RASGRP3: variants seen among roughly 807,000 people sequenced by gnomAD.
RASGRP3 encodes ras guanyl-releasing protein 3.
In RASGRP3, 54 loss-of-function variants were observed where a neutral mutation model predicts 82.7. That is an observed-to-expected ratio of 0.65 (90% CI 0.52 to 0.82). The LOEUF is 0.82. Among genes scored for constraint, RASGRP3 ranks in the 40% least tolerant of loss-of-function variants. The pLI is 0.00. For synonymous variants in RASGRP3, 309 were observed against 300.5 expected (o/e 1.03, Z -0.29); for missense variants, 861 against 828.9 (o/e 1.04, Z -0.48).
At chr2:33,543,805 G>C (rs576095350) in intron 13 of RASGRP3, among the ~76,000 whole-genome samples, 178 bp downstream of exon 13, 1 of 152,252 alleles carries the variant, frequency 6.6e-6, no homozygotes, top group East Asian at 1.9e-4. Flanking sequence ...GACCTGAATG[G>C]AATCACAGGG....
At chr2:33,521,293 A>G (rs1042110668) in intron 6 of RASGRP3, among the ~76,000 whole-genome samples, 3 of 152,218 alleles carry the variant, frequency 2.0e-5, no homozygotes, top group African/African-American at 4.8e-5. Context: ...TTTCATATCA[A>G]CTAGGTAACT....
intron 13 of RASGRP3, among the ~76,000 whole-genome samples, chr2:33,548,062 G>A (rs1674975204): frequency 6.6e-6 from 1 of 152,194 alleles, no homozygotes; most frequent in African/African-American, 2.4e-5. Context: ...AACTTCGGGA[G>A]TAAAAGAAGG....
At chr2:33,519,281 G>C (rs977710300) in intron 4 of RASGRP3, among the ~76,000 whole-genome samples, 1 of 152,178 alleles carries the variant, frequency 6.6e-6, no homozygotes, top group South Asian at 2.1e-4. Flanking sequence ...GTGCATAACT[G>C]TATAAGGCAT....
intron 14 of RASGRP3, among the ~76,000 whole-genome samples, chr2:33,551,442 G>A (rs1334471265): frequency 6.6e-6 from 1 of 152,184 alleles, no homozygotes; most frequent in Admixed American, 6.5e-5. Context: ...GTGGGACCCA[G>A]TAAACAAAAG....
upstream of RASGRP3, among the ~76,000 whole-genome samples, chr2:33,475,121 C>A (rs1191243677): frequency 6.6e-6 from 1 of 152,196 alleles, no homozygotes; most frequent in African/African-American, 2.4e-5. Context: ...AACACATAAA[C>A]AAAAATGCCT....
intron 1 of RASGRP3, among the ~76,000 whole-genome samples, chr2:33,477,277 G>T (rs755220710): frequency 2.6e-5 from 4 of 152,142 alleles, no homozygotes; most frequent in Admixed American, 2.0e-4. Context: ...ATTCACATTA[G>T]AAATCATATT....
chr2:33,511,448 A>G (rs1362098096), intron 1 of RASGRP3, among the ~76,000 whole-genome samples: 1 of 152,222 alleles, frequency 6.6e-6, no homozygotes, highest in East Asian at 1.9e-4. Flanking sequence ...AGTTTATACT[A>G]TGTGTATAGA....
In RASGRP3 at chr2:33,445,727, A is replaced by G. The variant is rs1327504166; in HGVS notation, c.-384-2093A>G. Among the ~76,000 whole-genome samples the G allele has an allele frequency of 5.3e-5, 8 of 151,966 alleles. No individual in the cohort carries two copies. The East Asian group carries it at 1.3e-3, about 26-fold the overall frequency. On this transcript the variant is annotated intron_variant, in intron 1 of 18. Coordinates refer to the RASGRP3 transcript ENST00000402538. ...CATTATATCATATATTAATATGCTA[A>G]TAATTATATCACATTAATATATTAA...
chr2:33,558,325 C>T lies in RASGRP3; in HGVS notation c.1694C>T (p.Ser565Leu), dbSNP rs192400130. ...CATGGGTCACTGCCTGGAAGCCCCT[C>T]GCTGCCCCCAGGTAATGCCCTCTGC... is the stretch of plus-strand genomic sequence containing the variant. ...SGHGSLPGSP[S>L]LPPAQDEVFE... The change falls in exon 16 of 18, where the codon TCG becomes TTG. Residue 565 changes from serine (S) to leucine (L), a missense_variant. Physicochemically the swap from Ser to Leu is moderately radical, Grantham distance 145. Coordinates refer to ENST00000403687, the MANE Select transcript of RASGRP3 (RefSeq NM_001139488.2). 1.2e-4 allele frequency: 190 copies of T among 1,613,460 alleles called. No individual in the cohort carries two copies. Among genetic ancestry groups the T allele is most frequent in the African/African-American group, 1.2e-3 (87 of 74,994 alleles).
At chr2:33,489,651 T>G (rs1242003595) in intron 1 of RASGRP3, among the ~76,000 whole-genome samples, 1 of 152,196 alleles carries the variant, frequency 6.6e-6, no homozygotes, top group East Asian at 1.9e-4. Flanking sequence ...CTGTGACCTC[T>G]CTGCCTCCCA....
upstream of RASGRP3, among the ~76,000 whole-genome samples, chr2:33,474,460 G>A (rs1490245497): frequency 1.3e-5 from 2 of 152,048 alleles, no homozygotes; most frequent in Admixed American, 1.3e-4. Context: ...ACACCACCAC[G>A]CCCGGCTAAT....
At chr2:33,501,535 C>T (rs113549490) in intron 1 of RASGRP3, among the ~76,000 whole-genome samples, 5 of 152,138 alleles carry the variant, frequency 3.3e-5, no homozygotes, top group South Asian at 2.1e-4. Flanking sequence ...GGGTGAGATA[C>T]GAAAACTCAC....
At chr2:33,464,385 G>A (rs913406327) in intron 2 of RASGRP3, among the ~76,000 whole-genome samples, 17 of 150,720 alleles carry the variant, frequency 1.1e-4, no homozygotes, top group Admixed American at 1.1e-3. Context: ...CTCCCAAAGC[G>A]CTGGGATTAC....
At chr2:33,446,861 G>C (rs1223452708) in intron 1 of RASGRP3, among the ~76,000 whole-genome samples, 5 of 151,898 alleles carry the variant, frequency 3.3e-5, no homozygotes. Flanking sequence ...AGGAAGGACT[G>C]GGCCGGGTGC....
At chr2:33,513,421 G>C (rs1671128208) in intron 2 of RASGRP3, among the ~76,000 whole-genome samples, 1 of 152,212 alleles carries the variant, frequency 6.6e-6, no homozygotes, top group African/African-American at 2.4e-5. Context: ...CCTGTTGAAG[G>C]TAAGAATGGG....
chr2:33,445,647 C>G (rs1419178263), intron 1 of RASGRP3, among the ~76,000 whole-genome samples: 4 of 151,758 alleles, frequency 2.6e-5, no homozygotes, highest in African/African-American at 7.3e-5. Flanking sequence ...AACATGTATG[C>G]ATTTGAAATT....
intron 11 of RASGRP3, among the ~76,000 whole-genome samples, chr2:33,538,579 C>G (rs1470928393): frequency 6.6e-6 from 1 of 151,932 alleles, no homozygotes; most frequent in Non-Finnish European, 1.5e-5. Context: ...AAGGCAGTAT[C>G]TAAACATGCA....
At chr2:33,505,565 C>A (rs554799567) in intron 1 of RASGRP3, among the ~76,000 whole-genome samples, 1 of 152,298 alleles carries the variant, frequency 6.6e-6, no homozygotes, top group South Asian at 2.1e-4. Flanking sequence ...TCTTAAAGTG[C>A]TGGGATTACA....
intron 1 of RASGRP3, among the ~76,000 whole-genome samples, chr2:33,486,962 C>T (rs1668451568): frequency 6.6e-6 from 1 of 151,888 alleles, no homozygotes; most frequent in African/African-American, 2.4e-5. Flanking sequence ...CAAATTTCAA[C>T]CATATATAAA....
Sources: gnomAD v4.1 joint callset for allele counts (sites outside exome capture counted in the v4.1 genomes callset) on GRCh38, gnomAD v4.1.1 for gene constraint, MANE v1.5 for transcripts, NCBI Gene and HGNC (gene_info 2026-07-23, HGNC 2026-07-21) for gene names.